IMMP1L: variants seen among roughly 807,000 people sequenced by gnomAD.
The protein encoded by IMMP1L is inner mitochondrial membrane peptidase subunit 1, also known as mitochondrial inner membrane protease subunit 1.
IMMP1L carries 24 observed loss-of-function variants against 21.8 expected under a neutral mutation model. That is an observed-to-expected ratio of 1.10 (90% CI 0.80 to 1.55). The LOEUF (loss-of-function observed/expected upper bound fraction) is 1.55, where lower values mean the gene tolerates loss of function less well. Among genes scored for constraint, IMMP1L ranks in the 40% most tolerant of loss-of-function variants. IMMP1L has a pLI of 0.00. For missense variants in IMMP1L, 195 were observed against 200.7 expected (o/e 0.97, Z 0.17); for synonymous variants, 46 against 62.8 (o/e 0.73, Z 1.26).
intron 1 of IMMP1L, among the ~76,000 whole-genome samples, chr11:31,469,522 A>C (rs1396428355): frequency 2.0e-5 from 3 of 152,214 alleles, no homozygotes; most frequent in Non-Finnish European, 4.4e-5. Flanking sequence ...CTAACAGGAG[A>C]CAAGTGAACT....
At chr11:31,484,885 T>C (rs1472355313) in intron 1 of IMMP1L, among the ~76,000 whole-genome samples, 1 of 151,900 alleles carries the variant, frequency 6.6e-6, no homozygotes, top group East Asian at 1.9e-4. Flanking sequence ...TAAAATTTGT[T>C]GACTTAGAAA....
At chr11:31,497,235 TA>T (rs1049195457) in intron 1 of IMMP1L, among the ~76,000 whole-genome samples, 5 of 151,538 alleles carry the variant, frequency 3.3e-5, no homozygotes, top group African/African-American at 1.2e-4. Context: ...TATTCAGCCA[TA>T]AAAAAATGAA....
chr11:31,473,683 C>CT (rs1415441755), intron 1 of IMMP1L: 1 of 882,154 alleles, frequency 1.1e-6, no homozygotes, highest in African/African-American at 1.8e-5. Context: ...GCATCCAATT[C>CT]TAAGATTCTA....
At chr11:31,496,744 TTATAATTTACATATGTAATCTGA>T (rs1335849195) in intron 1 of IMMP1L, among the ~76,000 whole-genome samples, 1 of 148,916 alleles carries the variant, frequency 6.7e-6, no homozygotes, top group Non-Finnish European at 1.5e-5. Context: ...TGTTAATATG[TTATAATTTACATATGTAATCTGA>T]TATAGGATAA....
At chr11:31,435,285 A>C (rs1564963798) in intron 4 of IMMP1L, among the ~76,000 whole-genome samples, 4 of 152,174 alleles carry the variant, frequency 2.6e-5, no homozygotes, top group Admixed American at 2.6e-4. Flanking sequence ...AGCTTTCCCT[A>C]AACTTGCCTG....
chr11:31,447,713 T>C (rs781036065), intron 4 of IMMP1L, among the ~76,000 whole-genome samples: 31 of 152,198 alleles, frequency 2.0e-4, no homozygotes, highest in Non-Finnish European at 3.8e-4. Context: ...AACGTCCAGA[T>C]TGGCAGTGCA....
intron 1 of IMMP1L, among the ~76,000 whole-genome samples, chr11:31,471,421 C>A (rs993139645): frequency 2.6e-5 from 4 of 152,108 alleles, no homozygotes; most frequent in African/African-American, 9.7e-5. Context: ...ACCATTATTT[C>A]TATCTTGTGT....
At chr11:31,501,318 A>C (rs1955610809) in intron 1 of IMMP1L, among the ~76,000 whole-genome samples, 1 of 152,192 alleles carries the variant, frequency 6.6e-6, no homozygotes, top group African/African-American at 2.4e-5. Context: ...TAGTGTTGAG[A>C]GGTGAGGCTA....
chr11:31,434,847 A>T lies in IMMP1L; in HGVS notation c.322-1277T>A, dbSNP rs79998074. Reference sequence around the variant, plus strand: ...ATCATTCACTTTTATTACTGGAACTAGTTTGTCCAAGGGCCAATAGCAAGG... The same window carrying T: ...ATCATTCACTTTTATTACTGGAACTTGTTTGTCCAAGGGCCAATAGCAAGG... On this transcript the variant is annotated intron_variant, in intron 4 of 5. Transcript: ENST00000532287. 5.5e-3 allele frequency among the ~76,000 whole-genome samples: 844 copies of T among 152,290 alleles called. 11 individuals carry two copies. Among genetic ancestry groups the T allele is most frequent in the African/African-American group, 0.02 (812 of 41,552 alleles).
intron 1 of IMMP1L, among the ~76,000 whole-genome samples, chr11:31,468,379 A>G (rs1477470623): frequency 1.3e-5 from 2 of 152,168 alleles, no homozygotes; most frequent in African/African-American, 4.8e-5. Context: ...AGAGAGATGA[A>G]GACAAATTGA....
chr11:31,496,662 ATATGT>A (rs1239779816), intron 1 of IMMP1L, among the ~76,000 whole-genome samples: 18 of 150,824 alleles, frequency 1.2e-4, no homozygotes, highest in Admixed American at 2.0e-4. Context: ...TATCTTATAT[ATATGT>A]TATAACTTTT....
intron 1 of IMMP1L, among the ~76,000 whole-genome samples, chr11:31,509,131 A>G (rs16922203): frequency 0.021 from 3,190 of 152,326 alleles, 104 homozygotes; most frequent in African/African-American, 0.072. Context: ...AACTTGTCAG[A>G]GAGCTATAGT....
At chr11:31,471,124 A>G (rs1191486836) in intron 1 of IMMP1L, among the ~76,000 whole-genome samples, 2 of 152,230 alleles carry the variant, frequency 1.3e-5, no homozygotes, top group African/African-American at 2.4e-5. Context: ...TAATATTCCC[A>G]ACACAGAGAA....
chr11:31,455,882 G>GA (rs1186699326), intron 4 of IMMP1L, among the ~76,000 whole-genome samples: 1 of 152,118 alleles, frequency 6.6e-6, no homozygotes, highest in Admixed American at 6.5e-5. Context: ...TTATGATGAT[G>GA]AAGATAACTC....
At chr11:31,461,417 T>G (rs1954134570) in intron 2 of IMMP1L, among the ~76,000 whole-genome samples, 1 of 152,134 alleles carries the variant, frequency 6.6e-6, no homozygotes, top group Admixed American at 6.5e-5. Context: ...ATCTTTACAA[T>G]GAAGCAATTA....
At chr11:31,438,063 T>C (rs1006494609) in intron 4 of IMMP1L, among the ~76,000 whole-genome samples, 1 of 152,176 alleles carries the variant, frequency 6.6e-6, no homozygotes, top group Admixed American at 6.5e-5. Context: ...GTCTTATTTC[T>C]TTTCAGTAAG....
chr11:31,495,834 T>G (rs968549768), intron 1 of IMMP1L, among the ~76,000 whole-genome samples: 1 of 152,162 alleles, frequency 6.6e-6, no homozygotes, highest in Non-Finnish European at 1.5e-5. Context: ...AGAATGAAGT[T>G]GGACTTTTGT....
At chr11:31,494,647 C>CT (rs879666703) in intron 1 of IMMP1L, among the ~76,000 whole-genome samples, 70 of 147,054 alleles carry the variant, frequency 4.8e-4, no homozygotes, top group Admixed American at 7.5e-4. Context: ...ATTTTCCAAA[C>CT]TTTTTTTTTT....
At chr11:31,454,247 C>T (rs1444354497) in intron 4 of IMMP1L, among the ~76,000 whole-genome samples, 3 of 151,696 alleles carry the variant, frequency 2.0e-5, no homozygotes, top group Non-Finnish European at 4.4e-5. Flanking sequence ...TATAAAAACT[C>T]GGTAATAGAA....
Sources: allele counts gnomAD v4.1 joint callset (sites outside exome capture counted in the v4.1 genomes callset), GRCh38; gene constraint gnomAD v4.1.1; transcripts MANE v1.5; gene names NCBI Gene and HGNC (gene_info 2026-07-23, HGNC 2026-07-21).